Variants in DLGAP1 observed in about 807,000 individuals in gnomAD.
The protein encoded by DLGAP1 is DLG associated protein 1.
DLGAP1 carries 11 observed loss-of-function variants against 90.8 expected under a neutral mutation model. That is an observed-to-expected ratio of 0.12 (90% CI 0.08 to 0.20). The LOEUF is 0.20. DLGAP1 is among the 10% of genes least tolerant of loss of function. DLGAP1 has a pLI of 1.00. For missense variants in DLGAP1, 1,050 were observed against 1,333.8 expected, an observed-to-expected ratio of 0.79 and a Z score of 3.31; for synonymous variants, 558 against 540.7, an observed-to-expected ratio of 1.03 and a Z score of -0.44.
At chr18:4,164,624 G>A (rs2076902882) in intron 1 of DLGAP1, among the ~76,000 whole-genome samples, 1 of 152,108 alleles carries the variant, frequency 6.6e-6, no homozygotes, top group African/African-American at 2.4e-5. Flanking sequence ...AGGTTGCAGT[G>A]AGCCAAGATC....
rs1386512867 is a variant in DLGAP1, at chr18:3,879,523, G to T, written c.546C>A (p.Ser182Arg). The change falls in exon 4 of 13, where the codon AGC becomes AGA. Residue 182 changes from serine to arginine, a missense_variant. Transcript: ENST00000315677. This position sits in a 1 kb window ranked among gnomAD's most constrained non-coding sequence, Gnocchi z 6.6. ...EAQAARYGKRSKSKERRAEPK... is the reference protein window; with the variant it reads ...EAQAARYGKRRKSKERRAEPK... ...GCTCCGCGCGCCGCTCCTTGCTCTT[G>T]CTGCGTTTGCCATAGCGCGCCGCCT... The T allele has an allele frequency of 6.2e-7, 1 of 1,602,084 alleles. No individual in the cohort carries two copies. The highest frequency in any genetic ancestry group is 2.2e-5 in the East Asian group (1 of 44,844).
chr18:3,535,429 C>T (rs561326333), intron 9 of DLGAP1, among the ~76,000 whole-genome samples: 5 of 152,172 alleles, frequency 3.3e-5, no homozygotes, highest in Admixed American at 2.0e-4. Context: ...GAAAAAGGGC[C>T]GGGCGTGGTG....
chr18:4,272,644 AG>A (rs2079309931), intron 1 of DLGAP1, among the ~76,000 whole-genome samples: 1 of 152,228 alleles, frequency 6.6e-6, no homozygotes, highest in Non-Finnish European at 1.5e-5. Context: ...TGAAGTAAAA[AG>A]CCAGAGACAC....
intron 5 of DLGAP1, among the ~76,000 whole-genome samples, chr18:3,797,013 C>A (rs2066023791): frequency 1.3e-5 from 2 of 152,060 alleles, no homozygotes; most frequent in Non-Finnish European, 2.9e-5. Flanking sequence ...GTGAGAACTT[C>A]ATGATGGGAA....
chr18:4,328,152 C>T (rs1463139135), intron 1 of DLGAP1, among the ~76,000 whole-genome samples: 1 of 151,930 alleles, frequency 6.6e-6, no homozygotes, highest in Non-Finnish European at 1.5e-5. Flanking sequence ...ATTCAATCAC[C>T]TATTGAGTTA....
intron 5 of DLGAP1, among the ~76,000 whole-genome samples, chr18:3,754,631 C>T (rs138515850): frequency 6.6e-6 from 1 of 150,644 alleles, no homozygotes; most frequent in African/African-American, 2.4e-5. Flanking sequence ...TGTAATCCTA[C>T]CACTCTGGGA....
intron 12 of DLGAP1, among the ~76,000 whole-genome samples, chr18:3,500,792 C>A (rs945065629): frequency 6.6e-6 from 1 of 152,112 alleles, no homozygotes; most frequent in Non-Finnish European, 1.5e-5. Flanking sequence ...AGCATCTCTT[C>A]TTTTAGACAT....
chr18:4,179,259 A>G (rs567748568), intron 1 of DLGAP1, among the ~76,000 whole-genome samples: 15 of 152,266 alleles, frequency 9.9e-5, no homozygotes, highest in Admixed American at 3.3e-4. Context: ...GAAAGTCACC[A>G]TTGTTCATAG....
At chr18:3,675,434 G>T (rs1045781996) in intron 7 of DLGAP1, among the ~76,000 whole-genome samples, 1 of 152,176 alleles carries the variant, frequency 6.6e-6, no homozygotes, top group Non-Finnish European at 1.5e-5. Flanking sequence ...TTAAATATGA[G>T]AAAACTGACA....
At chr18:3,900,687 A>T (rs147469053) in intron 3 of DLGAP1, among the ~76,000 whole-genome samples, 1 of 152,190 alleles carries the variant, frequency 6.6e-6, no homozygotes, top group Non-Finnish European at 1.5e-5. Context: ...TGCAGGAGGA[A>T]TCACACATGA....
chr18:4,455,132 G>T lies in DLGAP1; in HGVS notation c.-393C>A, dbSNP rs558692152. On this transcript the variant is annotated 5_prime_UTR_variant, in exon 1 of 13. Coordinates refer to ENST00000315677, the MANE Select transcript of DLGAP1 (RefSeq NM_004746.4). ...CTCAGCGAGGTGACGGGAAGGACTC[G>T]AGAGAGGAGCCGAGGCGGCGGCGGC... 3.3e-5 allele frequency: 5 copies of T among 152,008 alleles called. No homozygotes were observed. Among genetic ancestry groups the T allele is most frequent in the African/African-American group, 1.2e-4 (5 of 41,536 alleles). The allele number at this position is 152,008 out of a possible 1,614,324, so 9.4% of individuals were successfully genotyped here.
intron 7 of DLGAP1, among the ~76,000 whole-genome samples, chr18:3,646,842 T>G (rs12606137): frequency 0.18 from 27,074 of 151,960 alleles, 2,578 homozygotes; most frequent in Non-Finnish European, 0.2. Context: ...GGAGAATGGC[T>G]TGAACCCGGG....
rs145142332 is a variant in DLGAP1 at position 3,891,339 on chromosome 18, A to G, written c.-72-11199T>C. ...TTCTACCTCACTCACTGTGGACAAT[A>G]TACATCAAGGACTGATGCTACTGTC... On this transcript the variant is annotated intron_variant, in intron 3 of 12. Transcript: ENST00000315677. Among the ~76,000 whole-genome samples the G allele has an allele frequency of 2.2e-3, 331 of 152,222 alleles. 2 individuals carry two copies. Among genetic ancestry groups the G allele is most frequent in the African/African-American group, 7.6e-3 (314 of 41,534 alleles).
chr18:3,750,897 C>G (rs1299276488), intron 5 of DLGAP1, among the ~76,000 whole-genome samples: 1 of 152,186 alleles, frequency 6.6e-6, no homozygotes, highest in South Asian at 2.1e-4. Context: ...GTTAGAACCT[C>G]TATTTAGGTC....
intron 2 of DLGAP1, among the ~76,000 whole-genome samples, chr18:4,069,305 C>A (rs1568379386): frequency 6.6e-6 from 1 of 152,106 alleles, no homozygotes. Context: ...TGGGGTCCCT[C>A]ACATATCATT....
intron 4 of DLGAP1, among the ~76,000 whole-genome samples, chr18:3,850,107 C>T (rs1017106419): frequency 6.6e-6 from 1 of 151,734 alleles, no homozygotes; most frequent in African/African-American, 2.4e-5. Context: ...TGGCTCACGT[C>T]TGTAATCCCA....
chr18:4,265,550 CTT>C (rs1845087053), intron 1 of DLGAP1, among the ~76,000 whole-genome samples: 25 of 141,326 alleles, frequency 1.8e-4, no homozygotes, highest in African/African-American at 6.8e-4. Context: ...CCTCCCCTTC[CTT>C]CCTTCCTTCC....
At chr18:4,046,782 A>G (rs1398809466) in intron 2 of DLGAP1, among the ~76,000 whole-genome samples, 1 of 152,234 alleles carries the variant, frequency 6.6e-6, no homozygotes, top group East Asian at 1.9e-4. Context: ...TGCCTTGCAG[A>G]GGCTAAGTTT....
chr18:4,082,123 C>T (rs914784040), intron 2 of DLGAP1, among the ~76,000 whole-genome samples: 11 of 151,948 alleles, frequency 7.2e-5, no homozygotes, highest in African/African-American at 2.7e-4. Context: ...AGTGGATTGC[C>T]TGAGCTCAGG....
Sources: gnomAD v4.1 joint callset for allele counts (sites outside exome capture counted in the v4.1 genomes callset) on GRCh38, gnomAD v4.1.1 for gene constraint, Gnocchi (gnomAD v3.1) non-coding constraint, MANE v1.5 for transcripts, NCBI Gene and HGNC (gene_info 2026-07-23, HGNC 2026-07-21) for gene names.